Variants in NIT2 observed in about 807,000 individuals in gnomAD.
NIT2 encodes the protein nitrilase family member 2.
A neutral mutation model predicts 42.7 loss-of-function variants in NIT2; 46 were observed. That is an observed-to-expected ratio of 1.08 (90% CI 0.85 to 1.38). The LOEUF is 1.38. Ranked by LOEUF, NIT2 falls within the 40% of genes most tolerant of loss-of-function variation. NIT2 has a pLI of 0.00. For synonymous variants in NIT2, 123 were observed against 121.9 expected (o/e 1.01, Z -0.06); for missense variants, 309 against 342.5 (o/e 0.90, Z 0.77).
In NIT2 at chr3:100,357,476, TC is replaced by T. The variant is rs1022130581; in HGVS notation, c.*2212del. 7.9e-5 allele frequency: 12 copies of T among 151,990 alleles called. No homozygotes were observed. Among genetic ancestry groups the T allele is most frequent in the African/African-American group, 2.9e-4 (12 of 41,370 alleles). The allele number at this position is 151,990 out of a possible 1,614,324, so 9.4% of individuals were successfully genotyped here. ...AACCTTCTCTTGGATTTTCTCTTATTCCCCAAAAAACTTCATTTCCTCTAAA... is the reference window on the plus strand; with the variant it reads ...AACCTTCTCTTGGATTTTCTCTTATTCCCAAAAAACTTCATTTCCTCTAAA... On this transcript the variant is annotated 3_prime_UTR_variant, in exon 10 of 10. Transcript: ENST00000394140.
chr3:100,336,408 CAA>C (rs1706071929), intron 1 of NIT2, among the ~76,000 whole-genome samples: 1 of 152,058 alleles, frequency 6.6e-6, no homozygotes, highest in African/African-American at 2.4e-5. Context: ...AAGACACAAA[CAA>C]AGTATAGAGA....
rs1706372635 is a variant in NIT2 at position 100,360,767 on chromosome 3, ATTGGTGTTTTGT to A, written c.*5501_*5512del. 6.6e-6 allele frequency: 1 copy of A among 152,208 alleles called. No homozygotes were observed. Among genetic ancestry groups the A allele is most frequent in the Admixed American group, 6.5e-5 (1 of 15,288 alleles). 9.4% of individuals were successfully genotyped at this position (152,208 alleles called of 1,614,324 possible). On this transcript the variant is annotated 3_prime_UTR_variant, in exon 10 of 10. Coordinates refer to ENST00000394140, the MANE Select transcript of NIT2 (RefSeq NM_020202.5). ...CTCCATACATTTTGTGAGTAGAGGCATTGGTGTTTTGTTCCAAACTATCCAATCGAGAATGTT... is the reference window on the plus strand; with the variant it reads ...CTCCATACATTTTGTGAGTAGAGGCATCCAAACTATCCAATCGAGAATGTT...
Position 100,359,369 on chromosome 3 carries a change from G to T in NIT2, c.*4101G>T, listed in dbSNP as rs1408841364. 1 of 152,172 alleles carries T rather than the reference G, an allele frequency of 6.6e-6. No individual in the cohort carries two copies. Among genetic ancestry groups the T allele is most frequent in the African/African-American group, 2.4e-5 (1 of 41,428 alleles). 9.4% of individuals were successfully genotyped at this position (152,172 alleles called of 1,614,324 possible). A position where few individuals can be genotyped will look rare whatever the true frequency, so the allele number is the denominator to read the frequency against. ...CTAGGCTTTAAGTCTTTTGTCTGTA[G>T]ATTCATTCTCAAAGTTTCTCCCTCA... On this transcript the variant is annotated 3_prime_UTR_variant, in exon 10 of 10. Coordinates refer to ENST00000394140, the MANE Select transcript of NIT2 (RefSeq NM_020202.5).
chr3:100,339,832 A>C lies in NIT2; in HGVS notation c.144A>C (p.Pro48=). 3 of 1,609,344 alleles carry C rather than the reference A, an allele frequency of 1.9e-6. No individual in the cohort carries two copies. Among genetic ancestry groups the C allele is most frequent in the Non-Finnish European group, 2.5e-6 (3 of 1,178,558 alleles). ...IVSLPECFNS[P]YGAKYFPEYA... is the part of the protein sequence containing the mutation. ...TTTTCTAGGAATGCTTTAATTCTCC[A>C]TATGGAGCGAAATATTTTCCTGAAT... Residue 48 remains proline (P), a synonymous_variant, in exon 3 of 10, where the codon CCA becomes CCC. Coordinates refer to ENST00000394140, the MANE Select transcript of NIT2 (RefSeq NM_020202.5).
chr3:100,347,907 T>C lies in NIT2; in HGVS notation c.506-896T>C, dbSNP rs545485916. On this transcript the variant is annotated intron_variant, in intron 6 of 9. Transcript: ENST00000394140. ...ACCTTTATGGGTTTCCTTTTTTTTT[T>C]TGAGACAGAGTCTCAATCTGTTGCC... Among the ~76,000 whole-genome samples the C allele has an allele frequency of 2.5e-4, 38 of 152,264 alleles. 1 individual carries two copies. The South Asian group carries it at 7.3e-3, about 29-fold the overall frequency.
intron 1 of NIT2, among the ~76,000 whole-genome samples, chr3:100,336,503 AT>A (rs1706073845): frequency 6.6e-6 from 1 of 152,134 alleles, no homozygotes; most frequent in South Asian, 2.1e-4. Flanking sequence ...ATTTATGATC[AT>A]TCTTGGGTGT....
chr3:100,352,466 A>C lies in NIT2; in HGVS notation c.647A>C (p.Tyr216Ser). Reference sequence around the variant, plus strand: ...CCTGCCCGGGATGACAAAGCCTCCTATGTTGCCTGGGGACACAGCACCGTG... The same window carrying C: ...CCTGCCCGGGATGACAAAGCCTCCTCTGTTGCCTGGGGACACAGCACCGTG... ...ASPARDDKAS[Y>S]VAWGHSTVVN... Residue 216 changes from tyrosine (Y) to serine (S), a missense_variant, in exon 8 of 10, where the codon TAT (tyrosine) becomes TCT (serine). Transcript: ENST00000394140. 2 of 1,613,540 alleles carry C rather than the reference A, an allele frequency of 1.2e-6. No homozygotes were observed. Among genetic ancestry groups the C allele is most frequent in the Non-Finnish European group, 1.7e-6 (2 of 1,179,596 alleles).
At chr3:100,345,788 A>G (rs191612519) in intron 5 of NIT2, 110 bp downstream of exon 5, 593 of 713,850 alleles carry the variant, frequency 8.3e-4, no homozygotes, top group Non-Finnish European at 1.3e-3. Flanking sequence ...CTGAAAGACC[A>G]TAAGTGAGAA....
chr3:100,348,780 TC>T, intron 6 of NIT2, 22 bp from the exon 7 acceptor site: 2 of 1,609,776 alleles, frequency 1.2e-6, no homozygotes, highest in Non-Finnish European at 1.7e-6. Flanking sequence ...CATCCACTGT[TC>T]TTTGGCTTTT....
rs1706383005 is a variant in NIT2 at position 100,361,309 on chromosome 3, T to G, written c.*6041T>G. ...AACAATGCCCAAGAGCCAATGTTAG[T>G]CATGGTCTTCCTGTATTTGCTCTAG... On this transcript the variant is annotated 3_prime_UTR_variant, in exon 10 of 10. Coordinates refer to ENST00000394140, the MANE Select transcript of NIT2 (RefSeq NM_020202.5). 1 of 152,206 alleles carries G rather than the reference T, an allele frequency of 6.6e-6. No individual in the cohort carries two copies. The highest frequency in any genetic ancestry group is 2.4e-5 in the African/African-American group (1 of 41,434). The allele number at this position is 152,206 out of a possible 1,614,324, so 9.4% of individuals were successfully genotyped here.
chr3:100,335,751 C>A (rs1468046524), intron 1 of NIT2, among the ~76,000 whole-genome samples: 2 of 152,216 alleles, frequency 1.3e-5, no homozygotes, highest in Non-Finnish European at 2.9e-5. Context: ...CGCCTGTAAT[C>A]CCAACAGTTT....
At chr3:100,349,192 C>T (rs555768702) in intron 7 of NIT2, 28 of 187,884 alleles carry the variant, frequency 1.5e-4, no homozygotes, top group Admixed American at 6.4e-4. Context: ...TAGCTCATTA[C>T]AGCCTTGAAA....
At chr3:100,349,842 T>C (rs193036693) in intron 7 of NIT2, 1 of 152,356 alleles carries the variant, frequency 6.6e-6, no homozygotes, top group East Asian at 1.9e-4. Flanking sequence ...GCAAATAGCA[T>C]AGGTGGACAT....
At chr3:100,349,892 G>A (rs1414576111) in intron 7 of NIT2, 1 of 152,204 alleles carries the variant, frequency 6.6e-6, no homozygotes, top group Admixed American at 6.5e-5. Context: ...GAGTGTGTCT[G>A]TCTGTCTGTA....
At chr3:100,336,864 ACAGACCCTTTACGGGTGTCGGG>A (rs1473076973) in intron 1 of NIT2, among the ~76,000 whole-genome samples, 2 of 152,000 alleles carry the variant, frequency 1.3e-5, no homozygotes, top group Non-Finnish European at 2.9e-5. Flanking sequence ...CCTCCTCAGC[ACAGACCCTTTACGGGTGTCGGG>A]CTGGGGGACG....
rs1269243876 is a variant in NIT2 at position 100,359,051 on chromosome 3, G to T, written c.*3783G>T. On this transcript the variant is annotated 3_prime_UTR_variant, in exon 10 of 10. Coordinates refer to ENST00000394140, the MANE Select transcript of NIT2 (RefSeq NM_020202.5). Reference sequence around the variant, plus strand: ...TCATTCATTTCTACTTGTGAATGAAGTTCGGAGACTAAGAAAAAGCCAGCT... The same window carrying T: ...TCATTCATTTCTACTTGTGAATGAATTTCGGAGACTAAGAAAAAGCCAGCT... 1 of 152,200 alleles carries T rather than the reference G, an allele frequency of 6.6e-6. No individual in the cohort carries two copies. The highest frequency in any genetic ancestry group is 1.5e-5 in the Non-Finnish European group (1 of 68,046). The allele number at this position is 152,200 out of a possible 1,614,324, so 9.4% of individuals were successfully genotyped here. A position where few individuals can be genotyped will look rare whatever the true frequency, so the allele number is the denominator to read the frequency against.
In NIT2 at chr3:100,359,303, T is replaced by C. The variant is rs1706351940; in HGVS notation, c.*4035T>C. 6.6e-6 allele frequency: 1 copy of C among 152,242 alleles called. No homozygotes were observed. The highest frequency in any genetic ancestry group is 1.5e-5 in the Non-Finnish European group (1 of 68,048). 9.4% of individuals were successfully genotyped at this position (152,242 alleles called of 1,614,324 possible). ...CAAATGTTGTCATCCTAGCTCTTCC[T>C]GAAGCATATTGAATCCTCCAAGTAT... On this transcript the variant is annotated 3_prime_UTR_variant, in exon 10 of 10. Coordinates refer to ENST00000394140, the MANE Select transcript of NIT2 (RefSeq NM_020202.5).
chr3:100,355,020 G>T (rs1397264473), intron 9 of NIT2, among the ~76,000 whole-genome samples, 157 bp from the exon 10 acceptor site: 1 of 152,030 alleles, frequency 6.6e-6, no homozygotes, highest in African/African-American at 2.4e-5. Context: ...TCTTGGTTTG[G>T]TTTGAAATGA....
intron 1 of NIT2, among the ~76,000 whole-genome samples, chr3:100,337,976 CAAG>C (rs1338538572): frequency 6.6e-6 from 1 of 152,118 alleles, no homozygotes; most frequent in African/African-American, 2.4e-5. Context: ...GAGGCTGAGA[CAAG>C]AGGATTGCCT....
Sources: gnomAD v4.1 joint callset for allele counts (sites outside exome capture counted in the v4.1 genomes callset) on GRCh38, gnomAD v4.1.1 for gene constraint, MANE v1.5 for transcripts, NCBI Gene and HGNC (gene_info 2026-07-23, HGNC 2026-07-21) for gene names.